CROCC: variants seen among roughly 807,000 people sequenced by gnomAD.
CROCC encodes the protein ciliary rootlet coiled-coil, rootletin.
Under a neutral mutation model 245.2 loss-of-function variants are expected in CROCC, and 180 were observed. The ratio of observed to expected loss-of-function variants is 0.73; its 90% CI spans 0.65 to 0.83. The LOEUF (loss-of-function observed/expected upper bound fraction) is 0.83, where lower values mean the gene tolerates loss of function less well. Among genes scored for constraint, CROCC ranks in the 40% least tolerant of loss-of-function variants. The pLI, the probability that CROCC is intolerant of heterozygous loss-of-function variation, is 0.00. For synonymous variants in CROCC, 1,205 were observed against 1,241.6 expected (o/e 0.97, Z 0.62); for missense variants, 2,688 against 2,779.4 (o/e 0.97, Z 0.74).
chr1:16,939,071 C>G lies in CROCC; in HGVS notation c.1537C>G (p.Pro513Ala), dbSNP rs1363244400. The change falls in exon 12 of 37, where the codon CCG becomes GCG. Residue 513 changes from proline to alanine, a missense_variant. This residue lies in a region of CROCC where 972 missense variants were observed against 895.3 expected (regional missense o/e 1.09). Transcript: ENST00000375541. Reference protein sequence around the residue: ...RGRSPRRGPSPACSDSSTLAL... With the variant: ...RGRSPRRGPSAACSDSSTLAL... ...CCGTTCACCCCGCCGAGGCCCCTCC[C>G]CGGCCTGCTCAGACTCCTCCACGCT... 3.8e-6 allele frequency: 6 copies of G among 1,585,654 alleles called. No homozygotes were observed. The highest frequency in any genetic ancestry group is 1.4e-5 in the African/African-American group (1 of 73,958).
rs771328972 is a variant in CROCC at position 16,955,324 on chromosome 1, C to T, written c.3478C>T (p.Arg1160Trp). Residue 1160 changes from arginine to tryptophan, a missense_variant, in exon 24 of 37, where the codon CGG (arginine) becomes TGG (tryptophan). By Grantham distance (101) the Arg-to-Trp change is moderately radical. Around this residue, in one of 9 missense-constraint regions of CROCC, gnomAD observed 1,218 missense variants for 1,286.3 expected, o/e 0.95. Transcript: ENST00000375541. ...DSCLREAEEL[R>W]TQLRLLEDAR... ...GCTGTGCTCACAGGCAGAAGAGCTTCGGACCCAGCTGCGTCTGCTGGAGGA... is the reference window on the plus strand; with the variant it reads ...GCTGTGCTCACAGGCAGAAGAGCTTTGGACCCAGCTGCGTCTGCTGGAGGA... The T allele has an allele frequency of 7.5e-6, 12 of 1,607,752 alleles. No homozygotes were observed. In the Admixed American group the frequency reaches 8.3e-5, roughly 11 times the overall value.
At chr1:16,945,192 C>T (rs1024956073) in intron 14 of CROCC, among the ~76,000 whole-genome samples, 2 of 152,272 alleles carry the variant, frequency 1.3e-5, no homozygotes, top group East Asian at 1.9e-4. Flanking sequence ...AGGATCGCAC[C>T]ACTGTACTCC....
intron 13 of CROCC, among the ~76,000 whole-genome samples, chr1:16,942,149 T>C (rs1007693265): frequency 2.6e-5 from 4 of 152,374 alleles, no homozygotes; most frequent in Non-Finnish European, 4.4e-5. Flanking sequence ...TAGCTGGAAC[T>C]ACAGGCACAC....
intron 27 of CROCC, among the ~76,000 whole-genome samples, chr1:16,962,551 A>AAC (rs1553160330): frequency 7.7e-6 from 1 of 129,554 alleles, no homozygotes; most frequent in Non-Finnish European, 1.7e-5. Context: ...AAAAAAAAAA[A>AAC]AAAAAAAAAA....
chr1:16,924,995 C>T (rs1321487591), intron 3 of CROCC, among the ~76,000 whole-genome samples: 11 of 152,284 alleles, frequency 7.2e-5, no homozygotes, highest in Admixed American at 3.3e-4. Context: ...GAGAAGCAGG[C>T]CTGTCTTCAT....
chr1:16,943,273 C>G (rs1413653468), intron 13 of CROCC, among the ~76,000 whole-genome samples: 3 of 151,812 alleles, frequency 2.0e-5, no homozygotes, highest in South Asian at 4.2e-4. Context: ...CGCATTGGCT[C>G]ATGCCTGTAA....
chr1:16,954,499 G>A lies in CROCC; in HGVS notation c.3321+142G>A. On this transcript the variant is annotated intron_variant, in intron 22 of 36. Transcript: ENST00000375541. This position sits in a 1 kb window ranked among gnomAD's most constrained non-coding sequence, Gnocchi z 4.4. ...AGGAGGTTTAGCCCTTCTTTTGGGA[G>A]CCCCCATCTGAGGGAGGTGGCTCAG... is the stretch of plus-strand genomic sequence containing the variant. 1 of 1,289,542 alleles carries A rather than the reference G, an allele frequency of 7.8e-7. No individual in the cohort carries two copies. The highest frequency in any genetic ancestry group is 1.0e-6 in the Non-Finnish European group (1 of 954,216). 79.9% of individuals were successfully genotyped at this position (1,289,542 alleles called of 1,614,324 possible).
intron 25 of CROCC, among the ~76,000 whole-genome samples, chr1:16,956,407 C>G (rs535810673): frequency 6.6e-6 from 1 of 152,238 alleles, no homozygotes; most frequent in South Asian, 2.1e-4. Flanking sequence ...GAGCTGGTGT[C>G]CTTGTCCAGT....
At chr1:16,935,996 C>A (rs1460455764) in intron 8 of CROCC, among the ~76,000 whole-genome samples, 2 of 151,856 alleles carry the variant, frequency 1.3e-5, no homozygotes, top group Non-Finnish European at 2.9e-5. Context: ...TTGTATCACC[C>A]TCCCACCAGC....
At position 16,961,470 on chromosome 1, in the gene CROCC, C is replaced by T. The variant is rs372205352; in HGVS notation, c.4405+340C>T. ...TAGTTTTTGTGGAGACGGGGTCTCA[C>T]TATGTTGCCCAGGCTGGTCTTAAAC... On this transcript the variant is annotated intron_variant, in intron 27 of 36. Transcript: ENST00000375541. Among the ~76,000 whole-genome samples, 10 of 152,218 alleles carry T rather than the reference C, an allele frequency of 6.6e-5. No individual in the cohort carries two copies. In the East Asian group the frequency reaches 1.7e-3, roughly 27 times the overall value.
rs535122301 is a variant in CROCC at position 16,966,595 on chromosome 1, G to A, written c.4860+24G>A. The stretch of plus-strand genomic sequence containing the variant: ...AGGTGGGCAGGAGCTGAGGGCCAGC[G>A]GGGCGACGGGGAATCTGTGTACCCG... On this transcript the variant is annotated intron_variant, in intron 30 of 36. Transcript: ENST00000375541. This position sits in a 1 kb window ranked among gnomAD's most constrained non-coding sequence, Gnocchi z 4.8. 3.9e-5 allele frequency: 57 copies of A among 1,453,654 alleles called. No homozygotes were observed. Among genetic ancestry groups the A allele is most frequent in the African/African-American group, 2.6e-4 (18 of 70,040 alleles). The allele number at this position is 1,453,654 out of a possible 1,614,324, so 90.0% of individuals were successfully genotyped here.
At chr1:16,955,271 G>A (rs1198050696) in intron 23 of CROCC, 41 bp from the exon 24 acceptor site, 2 of 1,587,490 alleles carry the variant, frequency 1.3e-6, no homozygotes, top group Non-Finnish European at 1.7e-6. Context: ...TGACGGGGGG[G>A]TCCCTGACCG....
intron 8 of CROCC, among the ~76,000 whole-genome samples, chr1:16,935,417 T>C (rs2075766945): frequency 6.6e-6 from 1 of 152,170 alleles, no homozygotes; most frequent in African/African-American, 2.4e-5. Flanking sequence ...ACTGGTTTTT[T>C]TGTTTTGTTT....
At chr1:16,947,310 C>T (rs1405885412) in intron 17 of CROCC, among the ~76,000 whole-genome samples, 1 of 152,188 alleles carries the variant, frequency 6.6e-6, no homozygotes, top group Non-Finnish European at 1.5e-5. Flanking sequence ...AACCCTATCT[C>T]TACAAAAAAT....
rs188451463 is a variant in CROCC, at chr1:16,971,886, C to T, written c.5967+239C>T. On this transcript the variant is annotated intron_variant, in intron 36 of 36. Transcript: ENST00000375541. ...GGCTCCATGCTCAGGGTAGCCTTCT[C>T]CCTGGGTGGCCAGGTGGCCTCAGCA... 5.3e-3 allele frequency among the ~76,000 whole-genome samples: 815 copies of T among 152,342 alleles called. 6 individuals carry two copies. Among genetic ancestry groups the T allele is most frequent in the African/African-American group, 0.018 (749 of 41,582 alleles).
chr1:16,966,889 G>A lies in CROCC; in HGVS notation c.4860+318G>A, dbSNP rs150086402. Among the ~76,000 whole-genome samples the A allele has an allele frequency of 0.015, 2,338 of 152,092 alleles. 28 individuals carry two copies. The highest frequency in any genetic ancestry group is 0.022 in the Non-Finnish European group (1,465 of 67,984). On this transcript the variant is annotated intron_variant, in intron 30 of 36. Transcript: ENST00000375541. The surrounding 1 kb of genome is among the most constrained non-coding windows in gnomAD (Gnocchi z 4.8). ...AGCCTGGGCAACATGGTGAAACCCC[G>A]TCTCTATGAAAAATACTTAGCTGGG... is the stretch of plus-strand genomic sequence containing the variant.
Position 16,970,419 on chromosome 1 carries a change from A to G in CROCC, c.5618A>G (p.Lys1873Arg). ...EVERSALRLE[K>R]DRVALRRTLD... ...GAGCGCTCAGCCCTGCGGCTGGAGA[A>G]GGACCGTGTAGCCCTCAGGAGGACG... Residue 1873 changes from lysine (K) to arginine (R), a missense_variant, in exon 34 of 37, where the codon AAG becomes AGG. By Grantham distance (26) the Lys-to-Arg change is conservative. Transcript: ENST00000375541. 6.2e-7 allele frequency: 1 copy of G among 1,603,342 alleles called. No homozygotes were observed. The highest frequency in any genetic ancestry group is 8.5e-7 in the Non-Finnish European group (1 of 1,174,970).
rs780863833 is a variant in CROCC, at chr1:16,966,053, G to A, written c.4630G>A (p.Ala1544Thr). 1.7e-5 allele frequency: 27 copies of A among 1,613,878 alleles called. No homozygotes were observed. Among genetic ancestry groups the A allele is most frequent in the South Asian group, 2.2e-5 (2 of 91,074 alleles). Reference sequence around the variant, plus strand: ...GAATCGCCAGCTGGCCGAGATGGAGGCTGAGAGGGACAGCGCAACCTCGAG... The same window carrying A: ...GAATCGCCAGCTGGCCGAGATGGAGACTGAGAGGGACAGCGCAACCTCGAG... The part of the protein sequence containing the change: ...ALNRQLAEME[A>T]ERDSATSRAR... Residue 1544 changes from alanine (A) to threonine (T), a missense_variant, in exon 29 of 37, where the codon GCT (alanine) becomes ACT (threonine). Physicochemically the swap from Ala to Thr is moderately conservative, Grantham distance 58 (BLOSUM62 0). This residue lies in a region of CROCC where 1,218 missense variants were observed against 1,286.3 expected (regional missense o/e 0.95). Coordinates refer to ENST00000375541, the MANE Select transcript of CROCC (RefSeq NM_014675.5). This position sits in a 1 kb window ranked among gnomAD's most constrained non-coding sequence, Gnocchi z 4.8.
Position 16,972,347 on chromosome 1 carries a change from C to T in CROCC, c.5968-13C>T, listed in dbSNP as rs761694679. On this transcript the variant is annotated splice_polypyrimidine_tract_variant and intron_variant, in intron 36 of 36. Transcript: ENST00000375541. The stretch of plus-strand genomic sequence containing the variant: ...GAGGACCTGGCTGGCCTTACCTTCC[C>T]TTTCTTCCCCAGGTGTCCACACTGA... 12 of 1,613,174 alleles carry T rather than the reference C, an allele frequency of 7.4e-6. 1 individual carries two copies. In the South Asian group the frequency reaches 7.7e-5, roughly 10 times the overall value.
Sources: gnomAD v4.1 joint callset for allele counts (sites outside exome capture counted in the v4.1 genomes callset) on GRCh38, gnomAD v4.1.1 for gene constraint, gnomAD v4.1.1 regional missense constraint, Gnocchi (gnomAD v3.1) non-coding constraint, MANE v1.5 for transcripts, NCBI Gene and HGNC (gene_info 2026-07-23, HGNC 2026-07-21) for gene names.